DBF4: variants seen among roughly 807,000 people sequenced by gnomAD.
DBF4 encodes protein DBF4 homolog A.
DBF4 carries 25 observed loss-of-function variants against 76.6 expected under a neutral mutation model. The ratio of observed to expected loss-of-function variants is 0.33; its 90% CI spans 0.24 to 0.46. The LOEUF is 0.46. Among genes scored for constraint, DBF4 ranks in the 20% least tolerant of loss-of-function variants. The probability of loss-of-function intolerance (pLI) is 1.00; values close to 1 mark genes in which losing one functional copy is unlikely to be tolerated. For missense variants in DBF4, 638 were observed against 760.8 expected (o/e 0.84, Z 1.90); for synonymous variants, 213 against 258.0 (o/e 0.83, Z 1.67).
At position 87,907,512 on chromosome 7, in the gene DBF4, G is replaced by C; in HGVS notation, c.1374G>C (p.Gln458His). ...FTQLPLHKNK[Q>H]ECILDISEHT... ...AGCTACCTCTACATAAAAACAAACA[G>C]GAATGCATTCTTGACATTTCCGAAC... Residue 458 changes from glutamine (Q) to histidine (H), a missense_variant, in exon 12 of 12, where the codon CAG becomes CAC. By Grantham distance (24) the Gln-to-His change is conservative (BLOSUM62 0). Transcript: ENST00000265728. The C allele has an allele frequency of 1.2e-6, 2 of 1,613,952 alleles. No homozygotes were observed. Among genetic ancestry groups the C allele is most frequent in the Non-Finnish European group, 1.7e-6 (2 of 1,179,922 alleles).
At chr7:87,902,169 G>C (rs910398706) in intron 10 of DBF4, among the ~76,000 whole-genome samples, 3 of 152,124 alleles carry the variant, frequency 2.0e-5, no homozygotes, top group Non-Finnish European at 4.4e-5. Flanking sequence ...AGAAAATGTC[G>C]AGGCTAAAAA....
At chr7:87,881,707 A>G (rs977456379) in intron 2 of DBF4, among the ~76,000 whole-genome samples, 4 of 152,240 alleles carry the variant, frequency 2.6e-5, no homozygotes, top group Non-Finnish European at 2.9e-5. Context: ...GTAAAATATA[A>G]CCCTCTAGGT....
At chr7:87,888,247 C>T in intron 6 of DBF4, 188 bp downstream of exon 6, 2 of 972,536 alleles carry the variant, frequency 2.1e-6, no homozygotes, top group South Asian at 4.8e-5. Context: ...AAAGTTGTTC[C>T]TGGAATAGTG....
chr7:87,878,585 T>C (rs1376886590), intron 2 of DBF4: 1 of 169,922 alleles, frequency 5.9e-6, no homozygotes, highest in Non-Finnish European at 1.2e-5. Context: ...AGTGTAACAG[T>C]TAAGAATGTT....
At chr7:87,882,267 C>G (rs1307406883) in intron 2 of DBF4, among the ~76,000 whole-genome samples, 1 of 152,118 alleles carries the variant, frequency 6.6e-6, no homozygotes, top group Non-Finnish European at 1.5e-5. Flanking sequence ...GCTGGGAAAA[C>G]TGGATATCTA....
Position 87,878,238 on chromosome 7 carries a change from C to T in DBF4, c.219+13C>T, listed in dbSNP as rs1306664765. Reference sequence around the variant, plus strand: ...GGATCTGGGAGGGGTAAGTGAAAACCGTACACTGGCATAGAAGGAAAAATT... The same window carrying T: ...GGATCTGGGAGGGGTAAGTGAAAACTGTACACTGGCATAGAAGGAAAAATT... On this transcript the variant is annotated intron_variant, in intron 2 of 11. Coordinates refer to ENST00000265728, the MANE Select transcript of DBF4 (RefSeq NM_006716.4). 3 of 1,590,552 alleles carry T rather than the reference C, an allele frequency of 1.9e-6. No individual in the cohort carries two copies. The highest frequency in any genetic ancestry group is 2.3e-5 in the South Asian group (2 of 86,904).
intron 11 of DBF4, among the ~76,000 whole-genome samples, chr7:87,906,301 A>C (rs1839912854): frequency 6.6e-6 from 1 of 151,330 alleles, no homozygotes; most frequent in South Asian, 2.1e-4. Context: ...AACATCTTGG[A>C]CTTAAAAGCC....
intron 7 of DBF4, among the ~76,000 whole-genome samples, 171 bp downstream of exon 7, chr7:87,896,681 AATG>A (rs1159207930): frequency 6.6e-6 from 1 of 152,208 alleles, no homozygotes; most frequent in African/African-American, 2.4e-5. Context: ...GCATTTTCAG[AATG>A]ATGTTTTTTT....
At chr7:87,896,609 A>G in intron 7 of DBF4, 99 bp downstream of exon 7, 2 of 1,092,584 alleles carry the variant, frequency 1.8e-6, no homozygotes, top group Non-Finnish European at 2.7e-6. Context: ...TGATTTATTC[A>G]AGGCTTTCTT....
intron 4 of DBF4, 83 bp downstream of exon 4, chr7:87,886,977 C>T: frequency 1.0e-6 from 1 of 1,000,390 alleles, no homozygotes; most frequent in East Asian, 2.6e-5. Flanking sequence ...TTGAAATTTT[C>T]CTTTCCACAT....
chr7:87,882,136 A>T (rs139585402), intron 2 of DBF4, among the ~76,000 whole-genome samples: 1 of 152,322 alleles, frequency 6.6e-6, no homozygotes, highest in East Asian at 1.9e-4. Flanking sequence ...GAACAGACAT[A>T]CAGACCAATA....
intron 1 of DBF4, among the ~76,000 whole-genome samples, chr7:87,877,267 A>G (rs1839088158): frequency 6.6e-6 from 1 of 152,240 alleles, no homozygotes; most frequent in Non-Finnish European, 1.5e-5. Context: ...GGGGGAAAGC[A>G]TTGTATTTCA....
At chr7:87,901,962 G>A (rs533885392) in intron 10 of DBF4, among the ~76,000 whole-genome samples, 2 of 152,094 alleles carry the variant, frequency 1.3e-5, no homozygotes, top group Non-Finnish European at 2.9e-5. Flanking sequence ...TTTTGTGTCA[G>A]TTTTTTTGTT....
chr7:87,877,594 A>T (rs1839100073), intron 1 of DBF4, among the ~76,000 whole-genome samples: 1 of 152,232 alleles, frequency 6.6e-6, no homozygotes, highest in South Asian at 2.1e-4. Context: ...CAAACTTTAT[A>T]TGAAACTAAA....
chr7:87,896,592 C>A, intron 7 of DBF4, 82 bp downstream of exon 7: 1 of 1,226,406 alleles, frequency 8.2e-7, no homozygotes, highest in Non-Finnish European at 1.2e-6. Context: ...ATAAACCACC[C>A]TCTAAATGAT....
chr7:87,897,416 C>T (rs555981810), intron 8 of DBF4, 77 bp downstream of exon 8: 18 of 1,332,524 alleles, frequency 1.4e-5, no homozygotes, highest in Middle Eastern at 3.7e-4. Flanking sequence ...TAGGCTAGCT[C>T]GATTAGTACT....
At chr7:87,884,069 TCAAA>T (rs1279079145) in intron 2 of DBF4, among the ~76,000 whole-genome samples, 1 of 152,180 alleles carries the variant, frequency 6.6e-6, no homozygotes, top group South Asian at 2.1e-4. Context: ...GAAATTCTAT[TCAAA>T]CAGTCTTACA....
At position 87,884,970 on chromosome 7, in the gene DBF4, C is replaced by A; in HGVS notation, c.220-9C>A. On this transcript the variant is annotated splice_polypyrimidine_tract_variant and intron_variant, in intron 2 of 11. Transcript: ENST00000265728. Reference sequence around the variant, plus strand: ...AATTTATAAATAAAAATACTTTGTTCTCTTCTAGCGAGTTGAAGAATTTCT... The same window carrying A: ...AATTTATAAATAAAAATACTTTGTTATCTTCTAGCGAGTTGAAGAATTTCT... 1.3e-6 allele frequency: 2 copies of A among 1,587,948 alleles called. No homozygotes were observed. Among genetic ancestry groups the A allele is most frequent in the Non-Finnish European group, 1.7e-6 (2 of 1,160,966 alleles).
chr7:87,901,139 A>G (rs1562765702), intron 10 of DBF4, among the ~76,000 whole-genome samples: 1 of 152,134 alleles, frequency 6.6e-6, no homozygotes, highest in Non-Finnish European at 1.5e-5. Flanking sequence ...GGGGTGGGAT[A>G]GGGGTGGAGA....
Sources: allele counts gnomAD v4.1 joint callset (sites outside exome capture counted in the v4.1 genomes callset), GRCh38; gene constraint gnomAD v4.1.1; transcripts MANE v1.5; gene names NCBI Gene and HGNC (gene_info 2026-07-23, HGNC 2026-07-21).